ADCY5: variants seen among roughly 807,000 people sequenced by gnomAD.
The protein encoded by ADCY5 is adenylate cyclase type 5.
ADCY5 carries 30 observed loss-of-function variants against 119.7 expected under a neutral mutation model. The ratio of observed to expected loss-of-function variants is 0.25; its 90% CI spans 0.19 to 0.34. The LOEUF is 0.34. Among genes scored for constraint, ADCY5 ranks in the 10% least tolerant of loss-of-function variants. ADCY5 has a pLI of 1.00. For missense variants in ADCY5, 1,324 were observed against 1,775.2 expected (o/e 0.75, Z 4.57); for synonymous variants, 753 against 762.2 (o/e 0.99, Z 0.20).
chr3:123,296,138 C>T lies in ADCY5; in HGVS notation c.3009G>A (p.Leu1003=). The T allele has an allele frequency of 2.5e-6, 4 of 1,614,038 alleles. No homozygotes were observed. The highest frequency in any genetic ancestry group is 3.4e-6 in the Non-Finnish European group (4 of 1,179,980). Residue 1003 remains leucine (L), a synonymous_variant, in exon 17 of 21, where the codon CTG becomes CTA. Transcript: ENST00000462833. ...IISVFVLALY[L]HAQQVESTAR... The stretch of plus-strand genomic sequence containing the variant: ...CAGTGGACTCCACCTGCTGGGCGTG[C>T]AGGTACAGGGCCAGCACAAAGACTG...
chr3:123,291,113 C>A lies in ADCY5; in HGVS notation c.3327G>T (p.Glu1109Asp). The change falls in exon 18 of 21, where the codon GAG becomes GAT. Residue 1109 changes from glutamate (E) to aspartate (D), a missense_variant and splice_region_variant. Glu to Asp is a conservative substitution (Grantham distance 45). Coordinates refer to ENST00000462833, the MANE Select transcript of ADCY5 (RefSeq NM_183357.3). ...LLNEIIADFD[E>D]IISEDRFRQL... ...GCCTGACCCAGGCCCCGCTGTGCAC[C>A]TCATCAAAGTCAGCGATGATCTCAT... The A allele has an allele frequency of 6.2e-7, 1 of 1,611,090 alleles. No individual in the cohort carries two copies. Among genetic ancestry groups the A allele is most frequent in the Non-Finnish European group, 8.5e-7 (1 of 1,178,054 alleles).
intron 1 of ADCY5, among the ~76,000 whole-genome samples, chr3:123,429,482 A>G (rs1945478289): frequency 6.6e-6 from 1 of 152,132 alleles, no homozygotes; most frequent in Admixed American, 6.5e-5. Flanking sequence ...TCAGAGCAGA[A>G]GGCAAAGTAA....
At chr3:123,441,080 C>G (rs1431213855) in intron 1 of ADCY5, among the ~76,000 whole-genome samples, 1 of 152,194 alleles carries the variant, frequency 6.6e-6, no homozygotes, top group Non-Finnish European at 1.5e-5. Context: ...TTGCAAGACA[C>G]TGACCCACAG....
At chr3:123,389,825 G>A (rs1369159643) in intron 1 of ADCY5, among the ~76,000 whole-genome samples, 1 of 152,180 alleles carries the variant, frequency 6.6e-6, no homozygotes, top group Non-Finnish European at 1.5e-5. Context: ...CTAATTTAAC[G>A]GACAGTGCAC....
In ADCY5 at chr3:123,332,220, G is replaced by A. The variant is rs565817074; in HGVS notation, c.1518+344C>T. 1.3e-5 allele frequency among the ~76,000 whole-genome samples: 2 copies of A among 152,290 alleles called. 1 individual carries two copies. The highest frequency in any genetic ancestry group is 4.1e-4 in the South Asian group (2 of 4,820). ...AATGTAGCTTGATGGCCCCTAATAT[G>A]CCCCAGACAAACAGCTTATTCCCCT... is the stretch of plus-strand genomic sequence containing the variant. On this transcript the variant is annotated intron_variant, in intron 4 of 20. Coordinates refer to ENST00000462833, the MANE Select transcript of ADCY5 (RefSeq NM_183357.3).
At chr3:123,371,686 G>A (rs1304003603) in intron 1 of ADCY5, among the ~76,000 whole-genome samples, 1 of 152,264 alleles carries the variant, frequency 6.6e-6, no homozygotes, top group Non-Finnish European at 1.5e-5. Context: ...TGCACCCATT[G>A]TGGGCAATGC....
At chr3:123,412,602 T>C (rs555630489) in intron 1 of ADCY5, among the ~76,000 whole-genome samples, 37 of 152,168 alleles carry the variant, frequency 2.4e-4, no homozygotes, top group Non-Finnish European at 4.6e-4. Context: ...GAAGATGTGC[T>C]GGGGAGCTGG....
chr3:123,355,638 T>TC (rs1943013385), intron 1 of ADCY5, among the ~76,000 whole-genome samples: 1 of 143,988 alleles, frequency 6.9e-6, no homozygotes. Flanking sequence ...AGTAGAAATC[T>TC]AAAAAAAAAA....
At position 123,311,454 on chromosome 3, in the gene ADCY5, C is replaced by T. The variant is rs148134383; in HGVS notation, c.2442+2781G>A. Among the ~76,000 whole-genome samples the T allele has an allele frequency of 7.9e-3, 1,210 of 152,304 alleles. 9 individuals carry two copies. The highest frequency in any genetic ancestry group is 0.031 in the Middle Eastern group (9 of 294). ...ATGGCAGGAGGTAGAGCCAGGGAGACGCTCCTTTCATGTCTTCACGTGCAA... is the reference window on the plus strand; with the variant it reads ...ATGGCAGGAGGTAGAGCCAGGGAGATGCTCCTTTCATGTCTTCACGTGCAA... On this transcript the variant is annotated intron_variant, in intron 12 of 20. Coordinates refer to ENST00000462833, the MANE Select transcript of ADCY5 (RefSeq NM_183357.3).
chr3:123,378,715 G>C (rs1044962281), intron 1 of ADCY5, among the ~76,000 whole-genome samples: 7 of 152,308 alleles, frequency 4.6e-5, no homozygotes, highest in East Asian at 1.9e-4. Flanking sequence ...GACTGGCATG[G>C]AGGGGAAGCC....
At chr3:123,322,791 C>T (rs973746034) in intron 8 of ADCY5, among the ~76,000 whole-genome samples, 33 of 152,178 alleles carry the variant, frequency 2.2e-4, no homozygotes, top group Admixed American at 1.9e-3. Flanking sequence ...TCAACCAGCA[C>T]GGCTCATCAC....
chr3:123,439,076 C>CTTTTTTTTTCTTTTTT (rs1945675984), intron 1 of ADCY5, among the ~76,000 whole-genome samples: 2 of 64,728 alleles, frequency 3.1e-5, no homozygotes, highest in Non-Finnish European at 5.2e-5. Flanking sequence ...CCCTAAAGTG[C>CTTTTTTTTTCTTTTTT]TTTTTTTTTT....
rs1006306699 is a variant in ADCY5 at position 123,416,306 on chromosome 3, G to A, written c.1134+31106C>T. On this transcript the variant is annotated intron_variant, in intron 1 of 20. Transcript: ENST00000462833. The stretch of plus-strand genomic sequence containing the variant: ...CTTCCAGACGCTTCCCCAAAAAGGG[G>A]CTAAAGGCAATAACCTCCTTCCCTA... The A allele has an allele frequency of 5.9e-6, 9 of 1,535,848 alleles. No individual in the cohort carries two copies. In the Admixed American group the frequency reaches 1.6e-4, roughly 27 times the overall value.
intron 1 of ADCY5, among the ~76,000 whole-genome samples, chr3:123,407,917 C>G (rs1322212508): frequency 1.3e-5 from 2 of 151,504 alleles, no homozygotes; most frequent in East Asian, 3.9e-4. Flanking sequence ...GGAGGAAATT[C>G]GGAGTGACTA....
intron 1 of ADCY5, among the ~76,000 whole-genome samples, chr3:123,385,869 A>G (rs1368722590): frequency 2.6e-5 from 4 of 152,206 alleles, no homozygotes; most frequent in Non-Finnish European, 4.4e-5. Flanking sequence ...TTTCGTGGAC[A>G]GGCTGAGAAT....
chr3:123,333,259 A>T (rs1272311749), intron 3 of ADCY5, among the ~76,000 whole-genome samples: 3 of 152,146 alleles, frequency 2.0e-5, no homozygotes, highest in African/African-American at 7.2e-5. Flanking sequence ...CCCTTGCCAG[A>T]CTCTGATCAT....
chr3:123,400,875 T>G (rs1354477928), intron 1 of ADCY5, among the ~76,000 whole-genome samples: 1 of 151,002 alleles, frequency 6.6e-6, no homozygotes, highest in African/African-American at 2.4e-5. Flanking sequence ...ACCTGGGAGG[T>G]GGAGGTTGCA....
At chr3:123,328,501 T>C in intron 6 of ADCY5, 143 bp downstream of exon 6, 1 of 968,312 alleles carries the variant, frequency 1.0e-6, no homozygotes, top group Non-Finnish European at 1.5e-6. Flanking sequence ...TCCACTGTGC[T>C]CACCCCAGCG....
intron 1 of ADCY5, among the ~76,000 whole-genome samples, chr3:123,373,654 CTT>C (rs1204273299): frequency 1.3e-5 from 2 of 152,112 alleles, no homozygotes; most frequent in East Asian, 1.9e-4. Context: ...CTAAATTGCT[CTT>C]GTCAAAACAA....
Sources: gnomAD v4.1 joint callset for allele counts (sites outside exome capture counted in the v4.1 genomes callset) on GRCh38, gnomAD v4.1.1 for gene constraint, MANE v1.5 for transcripts, NCBI Gene and HGNC (gene_info 2026-07-23, HGNC 2026-07-21) for gene names.